Variants in ALK observed in about 807,000 individuals in gnomAD.
The protein encoded by ALK is ALK receptor tyrosine kinase, also known as ALK tyrosine kinase receptor.
ALK carries 74 observed loss-of-function variants against 163.1 expected under a neutral mutation model. The observed-to-expected ratio is 0.45, with a 90% CI of 0.38 to 0.55. The LOEUF (loss-of-function observed/expected upper bound fraction) is 0.55. ALK is among the 20% of genes least tolerant of loss of function. The probability of loss-of-function intolerance (pLI) is 0.00; values close to 1 mark genes in which losing one functional copy is unlikely to be tolerated. For synonymous variants in ALK, 960 were observed against 843.2 expected (o/e 1.14, Z -2.40); for missense variants, 2,063 against 2,105.3 (o/e 0.98, Z 0.39).
intron 3 of ALK, among the ~76,000 whole-genome samples, chr2:29,621,641 G>T (rs1248413592): frequency 6.6e-6 from 1 of 152,228 alleles, no homozygotes; most frequent in Non-Finnish European, 1.5e-5. Flanking sequence ...GGCCAAGAAG[G>T]CACTGTTGCC....
rs531892395 is a variant in ALK, at chr2:29,580,383, C to T, written c.953-48267G>A. Among the ~76,000 whole-genome samples the T allele has an allele frequency of 3.9e-5, 6 of 152,286 alleles. No homozygotes were observed. In the South Asian group the frequency reaches 1.2e-3, roughly 32 times the overall value. On this transcript the variant is annotated intron_variant, in intron 3 of 28. Transcript: ENST00000389048. ...ACTCGCTTCGGTGTCCTCTCCCGCT[C>T]CCCCTTTCTCTGTAATGCACAGGAG... is the stretch of plus-strand genomic sequence containing the variant.
chr2:29,893,634 G>C (rs1358696314), intron 1 of ALK, among the ~76,000 whole-genome samples: 1 of 152,118 alleles, frequency 6.6e-6, no homozygotes, highest in African/African-American at 2.4e-5. Context: ...GTTCAGGTCT[G>C]AATTCCCTGG....
At chr2:29,882,751 G>A (rs553175361) in intron 1 of ALK, among the ~76,000 whole-genome samples, 4 of 152,204 alleles carry the variant, frequency 2.6e-5, no homozygotes, top group African/African-American at 9.6e-5. Context: ...AAGTCAAAAG[G>A]GCTGTTTATG....
intron 3 of ALK, among the ~76,000 whole-genome samples, chr2:29,650,837 G>A (rs914863032): frequency 6.6e-6 from 1 of 152,050 alleles, no homozygotes; most frequent in Non-Finnish European, 1.5e-5. Flanking sequence ...CATTGCAATA[G>A]GGCTACTTTT....
At chr2:29,451,783 T>A (rs1266462555) in intron 4 of ALK, among the ~76,000 whole-genome samples, 1 of 152,164 alleles carries the variant, frequency 6.6e-6, no homozygotes, top group African/African-American at 2.4e-5. Flanking sequence ...ATAAGGGCCA[T>A]AACTCATTCA....
At chr2:29,755,916 G>T (rs1680511033) in intron 1 of ALK, among the ~76,000 whole-genome samples, 1 of 152,200 alleles carries the variant, frequency 6.6e-6, no homozygotes, top group Non-Finnish European at 1.5e-5. Flanking sequence ...GTGCTTAAAT[G>T]AACTGAAAAG....
At chr2:29,702,060 G>A (rs1440703883) in intron 2 of ALK, among the ~76,000 whole-genome samples, 1 of 152,020 alleles carries the variant, frequency 6.6e-6, no homozygotes, top group Non-Finnish European at 1.5e-5. Flanking sequence ...GTGAGGCAGA[G>A]CTGACAGCCA....
chr2:29,790,087 G>A (rs1015720761), intron 1 of ALK, among the ~76,000 whole-genome samples: 3 of 152,180 alleles, frequency 2.0e-5, no homozygotes, highest in Non-Finnish European at 4.4e-5. Flanking sequence ...GTAGGCATGT[G>A]GGTTAATGAG....
intron 13 of ALK, among the ~76,000 whole-genome samples, chr2:29,236,914 G>A (rs997233388): frequency 3.3e-5 from 5 of 152,000 alleles, no homozygotes; most frequent in Non-Finnish European, 5.9e-5. Flanking sequence ...GTCTCCCATC[G>A]TCCACCTGTC....
intron 4 of ALK, among the ~76,000 whole-genome samples, chr2:29,411,488 A>G (rs1285886641): frequency 6.6e-6 from 1 of 151,636 alleles, no homozygotes; most frequent in Non-Finnish European, 1.5e-5. Flanking sequence ...CTTTTTTAAG[A>G]AAAAAAGAGA....
intron 3 of ALK, among the ~76,000 whole-genome samples, chr2:29,627,613 C>T (rs989739282): frequency 2.0e-5 from 3 of 152,116 alleles, no homozygotes; most frequent in African/African-American, 4.8e-5. Flanking sequence ...AATGAGGAGG[C>T]GTGAGTCATG....
chr2:29,482,742 T>TAAC (rs67779903), intron 4 of ALK, among the ~76,000 whole-genome samples: 21 of 151,028 alleles, frequency 1.4e-4, no homozygotes, highest in Admixed American at 5.9e-4. Flanking sequence ...AAAACAACAA[T>TAAC]AACAACAACA....
chr2:29,915,471 C>A (rs775694165), intron 1 of ALK, among the ~76,000 whole-genome samples: 1 of 152,164 alleles, frequency 6.6e-6, no homozygotes, highest in Non-Finnish European at 1.5e-5. Context: ...CTGCCCTCCT[C>A]GGCCTCCCAA....
chr2:29,307,946 G>T (rs1666570377), intron 8 of ALK, among the ~76,000 whole-genome samples: 1 of 152,056 alleles, frequency 6.6e-6, no homozygotes, highest in African/African-American at 2.4e-5. Context: ...GAACACCAGT[G>T]GACATTCATA....
chr2:29,659,078 T>C (rs1230258656), intron 3 of ALK, among the ~76,000 whole-genome samples: 4 of 152,138 alleles, frequency 2.6e-5, no homozygotes, highest in East Asian at 1.9e-4. Context: ...GTTAAAGTCC[T>C]AGATTTAATG....
chr2:29,621,369 C>A (rs1032961076), intron 3 of ALK, among the ~76,000 whole-genome samples: 1 of 152,142 alleles, frequency 6.6e-6, no homozygotes, highest in Non-Finnish European at 1.5e-5. Flanking sequence ...AAGTAGGCAA[C>A]CTTGAAATGA....
intron 23 of ALK, 97 bp downstream of exon 23, chr2:29,220,609 T>C (rs2148165998): frequency 3.2e-6 from 5 of 1,567,702 alleles, no homozygotes; most frequent in Non-Finnish European, 4.4e-6. Flanking sequence ...CTGGGTTCCA[T>C]CGAGGAACTT....
At chr2:29,591,116 C>G (rs1175266593) in intron 3 of ALK, among the ~76,000 whole-genome samples, 7 of 150,622 alleles carry the variant, frequency 4.6e-5, no homozygotes, top group Non-Finnish European at 8.9e-5. Context: ...CTGCAGTGGC[C>G]CCTTTCCCTA....
intron 1 of ALK, among the ~76,000 whole-genome samples, chr2:29,791,194 A>C (rs553053932): frequency 5.2e-4 from 79 of 152,326 alleles, no homozygotes; most frequent in African/African-American, 1.9e-3. Context: ...TGTTTATTGC[A>C]GCACTTTTCA....
Sources: allele counts gnomAD v4.1 joint callset (sites outside exome capture counted in the v4.1 genomes callset), GRCh38; gene constraint gnomAD v4.1.1; transcripts MANE v1.5; gene names NCBI Gene and HGNC (gene_info 2026-07-23, HGNC 2026-07-21).